Variants in AOPEP observed in about 807,000 individuals in gnomAD.
AOPEP encodes the protein aminopeptidase O (putative), also known as aminopeptidase O.
A neutral mutation model predicts 98.1 loss-of-function variants in AOPEP; 77 were observed. That is an observed-to-expected ratio of 0.78 (90% CI 0.65 to 0.95). The LOEUF is 0.95. Among genes scored for constraint, AOPEP ranks in the 40% least tolerant of loss-of-function variants. The pLI is 0.00. For synonymous variants in AOPEP, 346 were observed against 365.3 expected, an observed-to-expected ratio of 0.95 and a Z score of 0.60; for missense variants, 1,024 against 1,024.7, an observed-to-expected ratio of 1.00 and a Z score of 0.01.
chr9:95,059,544 G>A (rs1161928648), intron 13 of AOPEP, among the ~76,000 whole-genome samples: 1 of 151,912 alleles, frequency 6.6e-6, no homozygotes, highest in African/African-American at 2.4e-5. Flanking sequence ...AGGGGGTAAG[G>A]GGGTAGGGGG....
At chr9:95,085,189 A>T in intron 16 of AOPEP, 1 of 476,800 alleles carries the variant, frequency 2.1e-6, no homozygotes, top group South Asian at 1.5e-5. Flanking sequence ...GTGTGCAGAC[A>T]GCACGGGGTG....
chr9:95,111,211 G>A, the AOPEP span: 1 of 1,536,368 alleles, frequency 6.5e-7, no homozygotes, highest in Non-Finnish European at 8.7e-7. Flanking sequence ...TGACCTTGGG[G>A]AAGAAGGGTC....
At chr9:95,016,387 G>A (rs566323935) in intron 13 of AOPEP, among the ~76,000 whole-genome samples, 252 of 151,604 alleles carry the variant, frequency 1.7e-3, no homozygotes, top group Admixed American at 3.1e-3. Flanking sequence ...GAGATTACAG[G>A]CACCCACCAC....
intron 1 of AOPEP, among the ~76,000 whole-genome samples, chr9:94,735,526 CT>C (rs1027153097): frequency 1.3e-5 from 2 of 152,140 alleles, no homozygotes; most frequent in Non-Finnish European, 2.9e-5. Flanking sequence ...GGCCAAGAAT[CT>C]GCATTTTTAA....
At chr9:95,134,653 T>C in the AOPEP span, among the ~76,000 whole-genome samples, 2 of 152,202 alleles carry the variant, frequency 1.3e-5, no homozygotes, top group Non-Finnish European at 2.9e-5. Context: ...TGGTCTTTAT[T>C]CCTGTCCTTA....
intron 13 of AOPEP, among the ~76,000 whole-genome samples, chr9:95,039,143 A>C (rs1247846993): frequency 6.6e-6 from 1 of 152,184 alleles, no homozygotes; most frequent in Non-Finnish European, 1.5e-5. Flanking sequence ...ATAATGGTGG[A>C]GTTAACATGG....
chr9:95,033,548 G>C (rs1035728826), intron 13 of AOPEP, among the ~76,000 whole-genome samples: 1 of 152,126 alleles, frequency 6.6e-6, no homozygotes, highest in African/African-American at 2.4e-5. Flanking sequence ...TTTAGAAAAG[G>C]TTCCATTTCT....
At chr9:95,125,167 G>A in the AOPEP span, 12 of 1,614,106 alleles carry the variant, frequency 7.4e-6, 1 homozygote, top group Admixed American at 6.7e-5. Context: ...GGGCCCCATC[G>A]GTTTCCAGGA....
intron 11 of AOPEP, among the ~76,000 whole-genome samples, chr9:94,993,101 T>C (rs73657023): frequency 0.016 from 2,422 of 152,314 alleles, 66 homozygotes; most frequent in African/African-American, 0.055. Context: ...TTGCTTCTAG[T>C]TGAAATCAAT....
intron 11 of AOPEP, among the ~76,000 whole-genome samples, chr9:94,991,476 G>A (rs1368592132): frequency 7.2e-5 from 11 of 152,188 alleles, no homozygotes; most frequent in Admixed American, 6.5e-4. Context: ...GCCCAAGCTC[G>A]CAGCACTAGT....
At chr9:94,894,920 T>G (rs1207322679) in intron 5 of AOPEP, among the ~76,000 whole-genome samples, 1 of 152,180 alleles carries the variant, frequency 6.6e-6, no homozygotes. Context: ...TATTTATAGG[T>G]CAAATATGTC....
chr9:94,898,209 A>G (rs1311884096), intron 5 of AOPEP, among the ~76,000 whole-genome samples: 1 of 152,170 alleles, frequency 6.6e-6, no homozygotes, highest in Non-Finnish European at 1.5e-5. Flanking sequence ...GTGGCTAAAT[A>G]AGCAAGAATG....
intron 13 of AOPEP, among the ~76,000 whole-genome samples, chr9:95,012,477 A>G (rs1039948725): frequency 6.6e-6 from 1 of 152,210 alleles, no homozygotes; most frequent in African/African-American, 2.4e-5. Context: ...AGGCAGTATT[A>G]GTTTCATTCT....
At chr9:94,895,277 G>A (rs2049379083) in intron 5 of AOPEP, among the ~76,000 whole-genome samples, 2 of 150,886 alleles carry the variant, frequency 1.3e-5, no homozygotes, top group South Asian at 4.2e-4. Context: ...GTGTGCACCT[G>A]TAGTCCCAGC....
the AOPEP span, among the ~76,000 whole-genome samples, chr9:95,109,004 C>T: frequency 4.0e-3 from 614 of 152,114 alleles, 4 homozygotes; most frequent in African/African-American, 0.014. Context: ...CTCCTGAGCT[C>T]AAGCGATCCT....
At chr9:94,894,088 A>G (rs551283881) in intron 5 of AOPEP, among the ~76,000 whole-genome samples, 2 of 152,330 alleles carry the variant, frequency 1.3e-5, no homozygotes, top group African/African-American at 2.4e-5. Context: ...AAAACAATAT[A>G]TAGCTCAATC....
intron 5 of AOPEP, among the ~76,000 whole-genome samples, chr9:94,836,503 T>C (rs1285340735): frequency 1.3e-5 from 2 of 152,226 alleles, no homozygotes; most frequent in Non-Finnish European, 2.9e-5. Flanking sequence ...TTACTTTCTT[T>C]GGCATCATAT....
In AOPEP at chr9:94,759,648, G is replaced by T; in HGVS notation, c.-135-1G>T. 1 of 700,722 alleles carries T rather than the reference G, an allele frequency of 1.4e-6. No homozygotes were observed. 43.4% of individuals were successfully genotyped at this position (700,722 alleles called of 1,614,324 possible). Reference sequence around the variant, plus strand: ...CTAATTGTGCTTTCCTTTTTTGCCAGGAGACTGAAAGGAACCATAATTTGT... The same window carrying T: ...CTAATTGTGCTTTCCTTTTTTGCCATGAGACTGAAAGGAACCATAATTTGT... On this transcript the variant is annotated splice_acceptor_variant, in intron 1 of 16. Transcript: ENST00000375315. LOFTEE classifies it low-confidence loss of function (5UTR_SPLICE).
At chr9:95,089,785 C>G (rs2070841081), downstream of AOPEP, among the ~76,000 whole-genome samples, 1 of 152,206 alleles carries the variant, frequency 6.6e-6, no homozygotes, top group African/African-American at 2.4e-5. Flanking sequence ...TCCCCGCGGC[C>G]GACCCATGGG....
Sources: allele counts gnomAD v4.1 joint callset (sites outside exome capture counted in the v4.1 genomes callset), GRCh38; gene constraint gnomAD v4.1.1; transcripts MANE v1.5; gene names NCBI Gene and HGNC (gene_info 2026-07-23, HGNC 2026-07-21).